ZDHHC14: variants seen among roughly 807,000 people sequenced by gnomAD.
ZDHHC14 encodes the protein palmitoyltransferase ZDHHC14.
Under a neutral mutation model 47.7 loss-of-function variants are expected in ZDHHC14, and 16 were observed. The ratio of observed to expected loss-of-function variants is 0.34; its 90% CI spans 0.23 to 0.51. The LOEUF (loss-of-function observed/expected upper bound fraction) is 0.51, where lower values mean the gene tolerates loss of function less well. ZDHHC14 is among the 20% of genes least tolerant of loss of function. The pLI is 0.97. For missense variants in ZDHHC14, 515 were observed against 662.5 expected (o/e 0.78, Z 2.44); for synonymous variants, 293 against 278.9 (o/e 1.05, Z -0.50).
At chr6:157,521,374 G>T (rs887121146) in intron 1 of ZDHHC14, among the ~76,000 whole-genome samples, 8 of 152,204 alleles carry the variant, frequency 5.3e-5, no homozygotes, top group Non-Finnish European at 1.2e-4. Context: ...CTTTAGAGCA[G>T]GACGCTTCTG....
At chr6:157,458,849 A>ATTTTTTGTTTTTTTTTTTTT (rs1778992077) in intron 1 of ZDHHC14, among the ~76,000 whole-genome samples, 1 of 81,226 alleles carries the variant, frequency 1.2e-5, no homozygotes, top group Non-Finnish European at 2.3e-5. Flanking sequence ...ATGTGGGTGG[A>ATTTTTTGTTTTTTTTTTTTT]TTTTTTTTTT....
intron 1 of ZDHHC14, among the ~76,000 whole-genome samples, chr6:157,539,737 T>C (rs1781677014): frequency 1.3e-5 from 2 of 152,170 alleles, no homozygotes; most frequent in Admixed American, 1.3e-4. Context: ...TGCCTCCCTC[T>C]CTACTTCACC....
intron 8 of ZDHHC14, among the ~76,000 whole-genome samples, chr6:157,663,838 A>G (rs1369872365): frequency 1.3e-5 from 2 of 152,156 alleles, no homozygotes; most frequent in Non-Finnish European, 2.9e-5. Flanking sequence ...CAAGCCTTCC[A>G]CGTACATAAC....
intron 1 of ZDHHC14, among the ~76,000 whole-genome samples, chr6:157,390,394 C>T (rs150490593): frequency 0.012 from 1,771 of 152,196 alleles, 15 homozygotes; most frequent in Non-Finnish European, 0.016. Flanking sequence ...ACATTTATCC[C>T]GCTTGGGGTT....
intron 3 of ZDHHC14, among the ~76,000 whole-genome samples, chr6:157,602,879 G>C (rs892151185): frequency 3.9e-5 from 6 of 152,166 alleles, no homozygotes; most frequent in African/African-American, 1.4e-4. Flanking sequence ...GAGTTTAGTC[G>C]TTTCTTTGTG....
chr6:157,605,810 G>T (rs1301928069), intron 3 of ZDHHC14, among the ~76,000 whole-genome samples: 1 of 152,186 alleles, frequency 6.6e-6, no homozygotes, highest in Non-Finnish European at 1.5e-5. Flanking sequence ...ACAGCGGGTG[G>T]GGGGTAGGGG....
At chr6:157,472,653 C>T (rs1779383245) in intron 1 of ZDHHC14, among the ~76,000 whole-genome samples, 1 of 152,144 alleles carries the variant, frequency 6.6e-6, no homozygotes, top group African/African-American at 2.4e-5. Flanking sequence ...CTACAAGATG[C>T]TACTTTTTGT....
intron 8 of ZDHHC14, among the ~76,000 whole-genome samples, chr6:157,670,186 T>C (rs958231303): frequency 6.6e-6 from 1 of 152,246 alleles, no homozygotes; most frequent in Admixed American, 6.5e-5. Flanking sequence ...AAAGCTACTC[T>C]GTTGCCCACC....
intron 8 of ZDHHC14, among the ~76,000 whole-genome samples, chr6:157,657,080 A>G (rs1470275174): frequency 6.6e-6 from 1 of 150,970 alleles, no homozygotes; most frequent in African/African-American, 2.4e-5. Context: ...ACAGGGTCTC[A>G]CTCTGTCGCC....
At chr6:157,532,921 A>G (rs1781415769) in intron 1 of ZDHHC14, among the ~76,000 whole-genome samples, 1 of 152,220 alleles carries the variant, frequency 6.6e-6, no homozygotes, top group African/African-American at 2.4e-5. Context: ...TTTTAGTTCA[A>G]CAAGTACTTA....
At chr6:157,447,186 G>C (rs140509857) in intron 1 of ZDHHC14, among the ~76,000 whole-genome samples, 5 of 152,328 alleles carry the variant, frequency 3.3e-5, no homozygotes, top group African/African-American at 9.6e-5. Flanking sequence ...ATATAATATT[G>C]TTTTATCTGC....
chr6:157,656,099 C>T (rs1476421859), intron 8 of ZDHHC14, among the ~76,000 whole-genome samples: 1 of 152,148 alleles, frequency 6.6e-6, no homozygotes, highest in African/African-American at 2.4e-5. Flanking sequence ...AAATCAGATT[C>T]CCCTCTGGAG....
At chr6:157,383,656 G>T (rs756853028) in intron 1 of ZDHHC14, among the ~76,000 whole-genome samples, 1 of 152,292 alleles carries the variant, frequency 6.6e-6, no homozygotes, top group Middle Eastern at 3.4e-3. Flanking sequence ...TGATTTAAGC[G>T]AATTCCCCTT....
At chr6:157,395,896 T>C (rs1420726627) in intron 1 of ZDHHC14, among the ~76,000 whole-genome samples, 1 of 152,152 alleles carries the variant, frequency 6.6e-6, no homozygotes, top group Non-Finnish European at 1.5e-5. Context: ...CAAAGCTGTA[T>C]AAAATCGGTA....
intron 1 of ZDHHC14, among the ~76,000 whole-genome samples, chr6:157,416,333 C>A (rs1359510189): frequency 1.3e-5 from 2 of 152,012 alleles, no homozygotes; most frequent in Non-Finnish European, 2.9e-5. Context: ...ATAATTGAAT[C>A]CTTTGAACAT....
chr6:157,444,522 A>G (rs1202619855), intron 1 of ZDHHC14, among the ~76,000 whole-genome samples: 1 of 152,142 alleles, frequency 6.6e-6, no homozygotes. Context: ...TACTAAAAAT[A>G]GAAAATTTAG....
At chr6:157,583,127 T>C (rs771323604) in intron 2 of ZDHHC14, among the ~76,000 whole-genome samples, 4 of 152,142 alleles carry the variant, frequency 2.6e-5, no homozygotes, top group Admixed American at 6.5e-5. Flanking sequence ...TATCATTTTA[T>C]TGCAATTCTT....
rs569929165 is a variant in ZDHHC14 at position 157,403,169 on chromosome 6, A to G, written c.245+20903A>G. ...CTGCTCTCATTAAAGATGTTAGCAC[A>G]TCAGAGAAAATGTAAATTGAATTTC... On this transcript the variant is annotated intron_variant, in intron 1 of 8. Coordinates refer to ENST00000359775, the MANE Select transcript of ZDHHC14 (RefSeq NM_024630.3). Among the ~76,000 whole-genome samples the G allele has an allele frequency of 2.0e-5, 3 of 152,378 alleles. No homozygotes were observed. In the East Asian group the frequency reaches 5.8e-4, roughly 29 times the overall value.
At chr6:157,641,432 G>C (rs1430187790) in intron 5 of ZDHHC14, among the ~76,000 whole-genome samples, 1 of 152,020 alleles carries the variant, frequency 6.6e-6, no homozygotes, top group African/African-American at 2.4e-5. Context: ...ATATTACACT[G>C]TTTTAATTTC....
Sources: gnomAD v4.1 joint callset for allele counts (sites outside exome capture counted in the v4.1 genomes callset) on GRCh38, gnomAD v4.1.1 for gene constraint, MANE v1.5 for transcripts, NCBI Gene and HGNC (gene_info 2026-07-23, HGNC 2026-07-21) for gene names.